The following TRAPPC9 variants were observed in gnomAD, a reference collection of about 807,000 sequenced individuals.
TRAPPC9 encodes IKK2 binding protein.
In TRAPPC9, 83 loss-of-function variants were observed where a neutral mutation model predicts 124.0. The ratio of observed to expected loss-of-function variants is 0.67; its 90% CI spans 0.56 to 0.80. TRAPPC9 has a LOEUF of 0.80. Among genes scored for constraint, TRAPPC9 ranks in the 30% least tolerant of loss-of-function variants. The probability of loss-of-function intolerance (pLI) is 0.00; values close to 1 mark genes in which losing one functional copy is unlikely to be tolerated. For missense variants in TRAPPC9, 1,302 were observed against 1,508.3 expected, an observed-to-expected ratio of 0.86 and a Z score of 2.27; for synonymous variants, 638 against 617.5, an observed-to-expected ratio of 1.03 and a Z score of -0.49.
At chr8:140,267,662 CGTTGTTGTT>C (rs145727531) in intron 15 of TRAPPC9, among the ~76,000 whole-genome samples, 1 of 151,632 alleles carries the variant, frequency 6.6e-6, no homozygotes, top group Non-Finnish European at 1.5e-5. Flanking sequence ...TGGGGTTTTT[CGTTGTTGTT>C]GTTGTTGTTG....
intron 15 of TRAPPC9, among the ~76,000 whole-genome samples, chr8:140,272,714 G>A (rs1220684156): frequency 3.4e-4 from 51 of 152,046 alleles, no homozygotes; most frequent in Non-Finnish European, 1.6e-4. Context: ...AGCGGGAGCA[G>A]GCAGTCACAC....
intron 19 of TRAPPC9, among the ~76,000 whole-genome samples, chr8:139,945,780 C>T (rs779202082): frequency 2.0e-5 from 3 of 152,074 alleles, no homozygotes; most frequent in Non-Finnish European, 2.9e-5. Context: ...AGTACACATT[C>T]GACTCTAGTG....
intron 19 of TRAPPC9, among the ~76,000 whole-genome samples, chr8:139,930,735 G>A (rs2131381288): frequency 6.6e-6 from 1 of 152,312 alleles, no homozygotes. Context: ...CAGAGCTGGA[G>A]CTCCCTTAGA....
At chr8:140,042,401 A>G (rs1841332437) in intron 17 of TRAPPC9, among the ~76,000 whole-genome samples, 1 of 152,248 alleles carries the variant, frequency 6.6e-6, no homozygotes, top group East Asian at 1.9e-4. Context: ...ATCATTCAAA[A>G]TGTGTAAAGG....
intron 4 of TRAPPC9, among the ~76,000 whole-genome samples, chr8:140,432,465 G>A (rs1336090334): frequency 6.6e-6 from 1 of 152,198 alleles, no homozygotes; most frequent in Non-Finnish European, 1.5e-5. Context: ...AGGTAGTGAG[G>A]TTGAGACCCA....
chr8:140,393,375 C>G (rs577560838), intron 7 of TRAPPC9, among the ~76,000 whole-genome samples: 1 of 152,302 alleles, frequency 6.6e-6, no homozygotes, highest in Admixed American at 6.5e-5. Flanking sequence ...CTCTACTTCA[C>G]TATTTGCTTG....
chr8:139,948,921 A>G (rs1358315343), intron 19 of TRAPPC9, among the ~76,000 whole-genome samples: 3 of 152,176 alleles, frequency 2.0e-5, no homozygotes, highest in Admixed American at 1.3e-4. Flanking sequence ...TACTGAAAAT[A>G]CAAGAACTAG....
chr8:140,282,502 CAAA>C (rs549294612), intron 14 of TRAPPC9, among the ~76,000 whole-genome samples: 3 of 99,678 alleles, frequency 3.0e-5, no homozygotes, highest in African/African-American at 3.6e-5. Flanking sequence ...GACTCCACCT[CAAA>C]AAAAAAAAAA....
intron 17 of TRAPPC9, among the ~76,000 whole-genome samples, chr8:140,055,966 CTTTTT>C (rs141611121): frequency 6.6e-6 from 1 of 151,512 alleles, no homozygotes; most frequent in African/African-American, 2.4e-5. Context: ...TAAACAAAGG[CTTTTT>C]TTTAACAAAA....
intron 21 of TRAPPC9, among the ~76,000 whole-genome samples, chr8:139,856,509 G>C (rs1827806826): frequency 6.6e-6 from 1 of 152,192 alleles, no homozygotes; most frequent in South Asian, 2.1e-4. Flanking sequence ...GAGTCTAGCA[G>C]GAGAGAGGTG....
chr8:140,214,466 T>G (rs931548718), intron 17 of TRAPPC9, among the ~76,000 whole-genome samples: 5 of 152,234 alleles, frequency 3.3e-5, no homozygotes, highest in Non-Finnish European at 5.9e-5. Flanking sequence ...GTGACTGACC[T>G]GGACTCACTG....
At chr8:140,180,214 C>T (rs955467399) in intron 17 of TRAPPC9, among the ~76,000 whole-genome samples, 4 of 151,544 alleles carry the variant, frequency 2.6e-5, no homozygotes, top group Non-Finnish European at 4.4e-5. Flanking sequence ...TCAGCTATAA[C>T]ACTTTGTATT....
At chr8:139,867,924 C>T (rs948053813) in intron 21 of TRAPPC9, among the ~76,000 whole-genome samples, 2 of 152,258 alleles carry the variant, frequency 1.3e-5, no homozygotes, top group Admixed American at 6.5e-5. Flanking sequence ...AATGGGATCT[C>T]GGCATGAGAT....
chr8:139,894,126 T>C (rs1387933415), intron 20 of TRAPPC9, among the ~76,000 whole-genome samples: 2 of 152,222 alleles, frequency 1.3e-5, no homozygotes, highest in East Asian at 3.9e-4. Flanking sequence ...ACACAGCCAG[T>C]GCCCTTTATG....
intron 9 of TRAPPC9, among the ~76,000 whole-genome samples, chr8:140,349,564 C>T (rs114051648): frequency 1.3e-3 from 191 of 152,208 alleles, no homozygotes; most frequent in African/African-American, 4.3e-3. Context: ...AGCTGCACAT[C>T]GTGGTAACTA....
intron 21 of TRAPPC9, among the ~76,000 whole-genome samples, chr8:139,860,774 C>A (rs568607423): frequency 6.6e-6 from 1 of 152,382 alleles, no homozygotes; most frequent in Admixed American, 6.5e-5. Context: ...TGGGCCCTCA[C>A]ATGGAGGGCA....
Position 139,776,237 on chromosome 8 carries a change from G to C in TRAPPC9, c.3056-44035C>G, listed in dbSNP as rs933537886. Reference sequence around the variant, plus strand: ...CAGGCCTCCTGCACAGGGACGCCAGGCTGCAGCCTCCCAGTCAGATGACTC... The same window carrying C: ...CAGGCCTCCTGCACAGGGACGCCAGCCTGCAGCCTCCCAGTCAGATGACTC... On this transcript the variant is annotated intron_variant, in intron 21 of 22. Transcript: ENST00000438773. This position sits in a 1 kb window ranked among gnomAD's most constrained non-coding sequence, Gnocchi z 4.1. Among the ~76,000 whole-genome samples the C allele has an allele frequency of 2.0e-5, 3 of 152,178 alleles. No individual in the cohort carries two copies. Among genetic ancestry groups the C allele is most frequent in the African/African-American group, 7.2e-5 (3 of 41,438 alleles).
intron 17 of TRAPPC9, among the ~76,000 whole-genome samples, chr8:140,050,126 G>A (rs78736911): frequency 0.018 from 2,746 of 152,284 alleles, 86 homozygotes; most frequent in African/African-American, 0.062. Context: ...CCAGATCTGA[G>A]GTCAGCCATG....
In TRAPPC9 at chr8:139,907,685, G is replaced by A. The variant is rs1831447563; in HGVS notation, c.2964+2462C>T. On this transcript the variant is annotated intron_variant, in intron 20 of 22. Coordinates refer to ENST00000438773, the MANE Select transcript of TRAPPC9 (RefSeq NM_001160372.4). This position sits in a 1 kb window ranked among gnomAD's most constrained non-coding sequence, Gnocchi z 4.7. Reference sequence around the variant, plus strand: ...CGATCAGTAAATGTATGGGGCAGATGTGCTTGGCACATGGTAGGCAATCAA... The same window carrying A: ...CGATCAGTAAATGTATGGGGCAGATATGCTTGGCACATGGTAGGCAATCAA... Among the ~76,000 whole-genome samples, 1 of 152,230 alleles carries A rather than the reference G, an allele frequency of 6.6e-6. No homozygotes were observed. The highest frequency in any genetic ancestry group is 6.5e-5 in the Admixed American group (1 of 15,284).
Sources: gnomAD v4.1 joint callset for allele counts (sites outside exome capture counted in the v4.1 genomes callset) on GRCh38, gnomAD v4.1.1 for gene constraint, Gnocchi (gnomAD v3.1) non-coding constraint, MANE v1.5 for transcripts, NCBI Gene and HGNC (gene_info 2026-07-23, HGNC 2026-07-21) for gene names.